OSBPL8: variants seen among roughly 807,000 people sequenced by gnomAD.
OSBPL8 encodes oxysterol-binding protein-related protein 8.
OSBPL8 carries 59 observed loss-of-function variants against 125.5 expected under a neutral mutation model. The ratio of observed to expected loss-of-function variants is 0.47; its 90% CI spans 0.38 to 0.58. The LOEUF (loss-of-function observed/expected upper bound fraction) is 0.58, where lower values mean the gene tolerates loss of function less well. OSBPL8 is among the 20% of genes least tolerant of loss of function. The pLI is 0.00. For synonymous variants in OSBPL8, 330 were observed against 338.9 expected, an observed-to-expected ratio of 0.97 and a Z score of 0.29; for missense variants, 758 against 1,047.8, an observed-to-expected ratio of 0.72 and a Z score of 3.82.
At chr12:76,383,827 T>C (rs1953167341) in intron 15 of OSBPL8, among the ~76,000 whole-genome samples, 1 of 152,210 alleles carries the variant, frequency 6.6e-6, no homozygotes, top group Admixed American at 6.5e-5. Context: ...TTTTGGTATG[T>C]TATTTAGTCC....
At chr12:76,423,246 C>T (rs1055799498) in intron 4 of OSBPL8, 4 of 152,264 alleles carry the variant, frequency 2.6e-5, no homozygotes, top group African/African-American at 9.6e-5. Flanking sequence ...CTTTCAAGCA[C>T]AACGTTGATG....
At chr12:76,383,377 TAAACA>T (rs1201698578) in intron 15 of OSBPL8, among the ~76,000 whole-genome samples, 5 of 124,794 alleles carry the variant, frequency 4.0e-5, no homozygotes, top group African/African-American at 9.4e-5. Flanking sequence ...ATCACCATCT[TAAACA>T]AAACAAGGTT....
intron 1 of OSBPL8, among the ~76,000 whole-genome samples, chr12:76,512,829 T>C (rs1368547244): frequency 2.6e-5 from 4 of 152,226 alleles, no homozygotes; most frequent in Non-Finnish European, 4.4e-5. Context: ...ATGGGAGGTT[T>C]TTCCATTTGT....
chr12:76,397,966 A>G, intron 7 of OSBPL8, 69 bp from the exon 8 acceptor site: 2 of 1,333,000 alleles, frequency 1.5e-6, no homozygotes, highest in Non-Finnish European at 2.1e-6. Context: ...AATACTGCAA[A>G]TAAGATGTTT....
intron 21 of OSBPL8, among the ~76,000 whole-genome samples, chr12:76,364,814 A>G (rs1280572082): frequency 6.6e-6 from 1 of 152,104 alleles, no homozygotes; most frequent in Non-Finnish European, 1.5e-5. Flanking sequence ...AGTCCTCTTT[A>G]TACTTCTTTT....
chr12:76,518,703 C>T (rs1034617831), intron 1 of OSBPL8, among the ~76,000 whole-genome samples: 3 of 152,216 alleles, frequency 2.0e-5, no homozygotes, highest in African/African-American at 7.2e-5. Flanking sequence ...GCCCTCTTAA[C>T]ACCACATGGA....
At chr12:76,493,325 T>G (rs1456562140) in intron 1 of OSBPL8, among the ~76,000 whole-genome samples, 1 of 152,204 alleles carries the variant, frequency 6.6e-6, no homozygotes, top group Non-Finnish European at 1.5e-5. Context: ...TGGTGAGTTT[T>G]ATAATTTACA....
chr12:76,394,348 T>C (rs926605132), intron 9 of OSBPL8, among the ~76,000 whole-genome samples: 1 of 152,002 alleles, frequency 6.6e-6, no homozygotes, highest in Non-Finnish European at 1.5e-5. Flanking sequence ...ATTAAATATA[T>C]CTTTAAGAGT....
rs1336475529 is a variant in OSBPL8 at position 76,559,530 on chromosome 12, G to A, written c.-201C>T. The stretch of plus-strand genomic sequence containing the variant: ...TCGGCCGCTGTCGTCGGCGGCAGCT[G>A]GGGCGCGAGCCTGGACGAAGGGCGC... On this transcript the variant is annotated 5_prime_UTR_variant, in exon 1 of 24. Coordinates refer to ENST00000261183, the MANE Select transcript of OSBPL8 (RefSeq NM_020841.5). 1.3e-5 allele frequency: 2 copies of A among 152,188 alleles called. No individual in the cohort carries two copies. The highest frequency in any genetic ancestry group is 4.8e-5 in the African/African-American group (2 of 41,462). The allele number at this position is 152,188 out of a possible 1,614,324, so 9.4% of individuals were successfully genotyped here.
intron 5 of OSBPL8, among the ~76,000 whole-genome samples, chr12:76,405,550 G>C (rs1249260996): frequency 6.6e-6 from 1 of 152,174 alleles, no homozygotes; most frequent in Non-Finnish European, 1.5e-5. Context: ...GGGACCAGCA[G>C]GTCAGAAGGG....
At chr12:76,386,441 A>C in intron 13 of OSBPL8, 138 bp downstream of exon 13, 1 of 1,278,838 alleles carries the variant, frequency 7.8e-7, no homozygotes, top group Non-Finnish European at 1.1e-6. Flanking sequence ...TACATGTCTA[A>C]ATGATCAGGT....
intron 4 of OSBPL8, among the ~76,000 whole-genome samples, chr12:76,448,790 G>A (rs998969195): frequency 5.3e-5 from 8 of 152,142 alleles, no homozygotes; most frequent in African/African-American, 1.7e-4. Flanking sequence ...CAAGGTGGGC[G>A]GATCACAAGG....
intron 1 of OSBPL8, among the ~76,000 whole-genome samples, chr12:76,551,612 T>C (rs867293826): frequency 6.6e-6 from 1 of 152,206 alleles, no homozygotes; most frequent in South Asian, 2.1e-4. Context: ...AGTATTATGA[T>C]TAGCCTGAAT....
rs778521247 is a variant in OSBPL8 at position 76,450,931 on chromosome 12, C to T, written c.137G>A (p.Arg46His). 6.2e-6 allele frequency: 10 copies of T among 1,613,944 alleles called. No individual in the cohort carries two copies. Among genetic ancestry groups the T allele is most frequent in the East Asian group, 4.5e-5 (2 of 44,836 alleles). The change falls in exon 4 of 24, where the codon CGC becomes CAC. Residue 46 changes from arginine to histidine, a missense_variant. Around this residue, in one of 3 missense-constraint regions of OSBPL8, gnomAD observed 117 missense variants for 137.1 expected, o/e 0.85. Coordinates refer to ENST00000261183, the MANE Select transcript of OSBPL8 (RefSeq NM_020841.5). The stretch of plus-strand genomic sequence containing the variant: ...CGTTGGATAAGCTTCTTTTCCTTGG[C>T]GCTGACTCATCTTTCCTGGTGTCAG... ...QLLTPGKMSQRQGKEAYPTPT... is the reference protein window; with the variant it reads ...QLLTPGKMSQHQGKEAYPTPT...
At chr12:76,454,201 G>A (rs556491395) in intron 3 of OSBPL8, among the ~76,000 whole-genome samples, 1 of 152,184 alleles carries the variant, frequency 6.6e-6, no homozygotes, top group African/African-American at 2.4e-5. Context: ...ACTTTTACAG[G>A]TATATACCAA....
intron 4 of OSBPL8, among the ~76,000 whole-genome samples, chr12:76,434,277 G>A (rs774062143): frequency 6.6e-6 from 1 of 152,116 alleles, no homozygotes; most frequent in Non-Finnish European, 1.5e-5. Context: ...TCAATAAATG[G>A]TGGTGGACAA....
At chr12:76,551,501 A>G (rs1214234779) in intron 1 of OSBPL8, among the ~76,000 whole-genome samples, 1 of 152,042 alleles carries the variant, frequency 6.6e-6, no homozygotes, top group Non-Finnish European at 1.5e-5. Flanking sequence ...AAGTTAAGAA[A>G]CCCTACTTTA....
chr12:76,493,581 G>T (rs1305146145), intron 1 of OSBPL8, among the ~76,000 whole-genome samples: 1 of 152,144 alleles, frequency 6.6e-6, no homozygotes, highest in African/African-American at 2.4e-5. Flanking sequence ...AGTTTCTGCT[G>T]ACAAATTCAC....
intron 3 of OSBPL8, among the ~76,000 whole-genome samples, chr12:76,454,353 T>A (rs1873759999): frequency 6.6e-6 from 1 of 152,148 alleles, no homozygotes; most frequent in Non-Finnish European, 1.5e-5. Context: ...AAAGGAATGA[T>A]CTAGTTCTAT....
Sources: gnomAD v4.1 joint callset for allele counts (sites outside exome capture counted in the v4.1 genomes callset) on GRCh38, gnomAD v4.1.1 for gene constraint, gnomAD v4.1.1 regional missense constraint, MANE v1.5 for transcripts, NCBI Gene and HGNC (gene_info 2026-07-23, HGNC 2026-07-21) for gene names.